Variants in ZNF423 observed in about 807,000 individuals in gnomAD.
The protein encoded by ZNF423 is Ebf-associated zinc finger protein.
A neutral mutation model predicts 95.8 loss-of-function variants in ZNF423; 12 were observed. The observed-to-expected ratio is 0.13, with a 90% CI of 0.08 to 0.20. ZNF423 has a LOEUF of 0.20. Ranked by LOEUF, ZNF423 falls within the 10% of genes least tolerant of loss-of-function variation. The pLI is 1.00. For synonymous variants in ZNF423, 749 were observed against 711.9 expected (o/e 1.05, Z -0.83); for missense variants, 1,316 against 1,737.1 (o/e 0.76, Z 4.31).
rs1356458481 is a variant in ZNF423 at position 49,523,735 on chromosome 16, G to C, written c.3738C>G (p.Phe1246Leu). Reference protein sequence around the residue: ...TFKCPVCFTVFVQANKLQQHI... With the variant: ...TFKCPVCFTVLVQANKLQQHI... ...GCTGCTGCAACTTGTTGGCCTGGACGAAGACTAGACACAGACACGGCTGTC... is the reference window on the plus strand; with the variant it reads ...GCTGCTGCAACTTGTTGGCCTGGACCAAGACTAGACACAGACACGGCTGTC... The change falls in exon 7 of 8, where the codon TTC becomes TTG. Residue 1246 changes from phenylalanine to leucine, a missense_variant. Coordinates refer to ENST00000563137, the MANE Select transcript of ZNF423 (RefSeq NM_001379286.1). 6.2e-7 allele frequency: 1 copy of C among 1,613,042 alleles called. No homozygotes were observed. The highest frequency in any genetic ancestry group is 2.2e-5 in the East Asian group (1 of 44,884).
At chr16:49,538,246 G>A (rs961306762) in intron 5 of ZNF423, among the ~76,000 whole-genome samples, 2 of 152,188 alleles carry the variant, frequency 1.3e-5, no homozygotes, top group East Asian at 1.9e-4. Context: ...GAGGTGCAGC[G>A]AGCAGAACAG....
At chr16:49,538,834 T>C (rs1248275699) in intron 5 of ZNF423, among the ~76,000 whole-genome samples, 1 of 152,250 alleles carries the variant, frequency 6.6e-6, no homozygotes, top group East Asian at 1.9e-4. Flanking sequence ...CATAGCTATG[T>C]GAAATAAAAA....
At chr16:49,694,323 T>G (rs1246684336) in intron 3 of ZNF423, among the ~76,000 whole-genome samples, 1 of 152,162 alleles carries the variant, frequency 6.6e-6, no homozygotes, top group Non-Finnish European at 1.5e-5. Flanking sequence ...TAATCAGATG[T>G]GTGGCGGGCT....
chr16:49,816,578 A>G (rs2034859013), intron 1 of ZNF423, among the ~76,000 whole-genome samples: 1 of 152,112 alleles, frequency 6.6e-6, no homozygotes. Context: ...GCCTGAGCCC[A>G]GGAGTTGCCA....
intron 2 of ZNF423, among the ~76,000 whole-genome samples, chr16:49,746,748 AG>A (rs1202761217): frequency 2.1e-4 from 32 of 152,202 alleles, no homozygotes; most frequent in Admixed American, 1.9e-3. Flanking sequence ...CTGCGGTTAC[AG>A]GCGTGAACCA....
intron 5 of ZNF423, among the ~76,000 whole-genome samples, chr16:49,527,909 TGAGCACACACACGTGTGC>T (rs1043205202): frequency 3.9e-5 from 6 of 152,124 alleles, no homozygotes; most frequent in Admixed American, 3.3e-4. Context: ...TTCCAGTTCA[TGAGCACACACACGTGTGC>T]ATGCACACAC....
chr16:49,734,903 C>T (rs1283731518), intron 2 of ZNF423, among the ~76,000 whole-genome samples: 1 of 152,124 alleles, frequency 6.6e-6, no homozygotes, highest in Non-Finnish European at 1.5e-5. Context: ...CATCATATCC[C>T]CATTTTACAG....
intron 3 of ZNF423, among the ~76,000 whole-genome samples, chr16:49,712,294 T>C (rs1238050817): frequency 6.6e-6 from 1 of 152,178 alleles, no homozygotes; most frequent in African/African-American, 2.4e-5. Context: ...CCCGCACTGC[T>C]AATGCACGGT....
intron 7 of ZNF423, among the ~76,000 whole-genome samples, chr16:49,507,754 A>AGG (rs1967703200): frequency 6.6e-6 from 1 of 152,232 alleles, no homozygotes; most frequent in Non-Finnish European, 1.5e-5. Flanking sequence ...GGCCCCTAGA[A>AGG]TGTTGCAGAG....
intron 3 of ZNF423, among the ~76,000 whole-genome samples, chr16:49,691,120 C>T (rs866101774): frequency 6.6e-6 from 1 of 152,220 alleles, no homozygotes; most frequent in African/African-American, 2.4e-5. Context: ...GCAGAGGGCC[C>T]GACAGAGGGA....
At chr16:49,596,830 C>T (rs990766540) in intron 5 of ZNF423, among the ~76,000 whole-genome samples, 3 of 152,216 alleles carry the variant, frequency 2.0e-5, no homozygotes, top group South Asian at 2.1e-4. Context: ...TGTGTGCTTC[C>T]CCACTCCCAC....
intron 5 of ZNF423, among the ~76,000 whole-genome samples, chr16:49,564,807 C>T (rs992121692): frequency 1.3e-5 from 2 of 152,198 alleles, no homozygotes; most frequent in African/African-American, 2.4e-5. Context: ...CTTGGTCCCC[C>T]GCCAGCAACA....
intron 3 of ZNF423, among the ~76,000 whole-genome samples, chr16:49,694,226 T>C (rs2031889373): frequency 6.6e-6 from 1 of 152,130 alleles, no homozygotes; most frequent in African/African-American, 2.4e-5. Flanking sequence ...GGAGACTGAA[T>C]TCCCAGAGAT....
chr16:49,635,545 C>A lies in ZNF423; in HGVS notation c.3516+115G>T, dbSNP rs1422285824. On this transcript the variant is annotated intron_variant, in intron 4 of 7. Coordinates refer to ENST00000563137, the MANE Select transcript of ZNF423 (RefSeq NM_001379286.1). This position sits in a 1 kb window ranked among gnomAD's most constrained non-coding sequence, Gnocchi z 4.8. ...ACAGCACAGCAGTTCTGTTTTGCCA[C>A]TGCGCGATAGCGCCGCTTCTTGGAA... 19 of 1,379,740 alleles carry A rather than the reference C, an allele frequency of 1.4e-5. No homozygotes were observed. The South Asian group carries it at 2.3e-4, about 16-fold the overall frequency. 85.5% of individuals were successfully genotyped at this position (1,379,740 alleles called of 1,614,324 possible).
intron 5 of ZNF423, among the ~76,000 whole-genome samples, chr16:49,552,484 C>T (rs772361226): frequency 2.6e-5 from 4 of 152,112 alleles, no homozygotes; most frequent in Non-Finnish European, 5.9e-5. Context: ...GATGTGCTGA[C>T]GCCACTACTC....
intron 3 of ZNF423, among the ~76,000 whole-genome samples, chr16:49,695,224 G>A (rs2031924208): frequency 6.6e-6 from 1 of 152,148 alleles, no homozygotes; most frequent in South Asian, 2.1e-4. Flanking sequence ...AGTGATTCTT[G>A]TGCCTCAACC....
chr16:49,491,709 C>G (rs1966978906), intron 7 of ZNF423, among the ~76,000 whole-genome samples: 1 of 152,204 alleles, frequency 6.6e-6, no homozygotes, highest in Non-Finnish European at 1.5e-5. Flanking sequence ...TGATCGCCTG[C>G]AGGCTGCCCT....
rs544351613 is a variant in ZNF423, at chr16:49,593,710, T to A, written c.3601+32460A>T. ...AAGCCTGCTCACAGAGAAGGGAGAA[T>A]GGCCTTAGATCTCCGAGAAGCCCCC... On this transcript the variant is annotated intron_variant, in intron 5 of 7. Transcript: ENST00000563137. Among the ~76,000 whole-genome samples the A allele has an allele frequency of 8.5e-4, 129 of 152,208 alleles. 3 individuals are homozygous for A. The highest frequency in any genetic ancestry group is 2.4e-3 in the African/African-American group (100 of 41,532).
At chr16:49,808,748 G>C (rs796404829) in intron 1 of ZNF423, among the ~76,000 whole-genome samples, 1 of 152,200 alleles carries the variant, frequency 6.6e-6, no homozygotes, top group Non-Finnish European at 1.5e-5. Context: ...CCCCAGGGCC[G>C]TTAGCAGAGG....
Sources: allele counts gnomAD v4.1 joint callset (sites outside exome capture counted in the v4.1 genomes callset), GRCh38; gene constraint gnomAD v4.1.1; non-coding constraint Gnocchi (gnomAD v3.1); transcripts MANE v1.5; gene names NCBI Gene and HGNC (gene_info 2026-07-23, HGNC 2026-07-21).